HELLS: variants seen among roughly 807,000 people sequenced by gnomAD.
HELLS encodes lymphoid-specific helicase.
In HELLS, 32 loss-of-function variants were observed where a neutral mutation model predicts 120.0. The observed-to-expected ratio is 0.27, with a 90% confidence interval of 0.20 to 0.36. The LOEUF (loss-of-function observed/expected upper bound fraction) is 0.36. Ranked by LOEUF, HELLS falls within the 10% of genes least tolerant of loss-of-function variation. HELLS has a pLI of 1.00. For missense variants in HELLS, 650 were observed against 993.4 expected (o/e 0.65, Z 4.65); for synonymous variants, 341 against 323.4 (o/e 1.05, Z -0.58).
At chr10:94,588,050 A>G (rs1169822619) in intron 12 of HELLS, among the ~76,000 whole-genome samples, 179 bp from the exon 13 acceptor site, 5 of 152,180 alleles carry the variant, frequency 3.3e-5, no homozygotes, top group African/African-American at 7.2e-5. Context: ...GCTGCGGACA[A>G]CTGTGAGTTT....
intron 7 of HELLS, among the ~76,000 whole-genome samples, chr10:94,573,409 G>C (rs1266395552): frequency 6.6e-6 from 1 of 152,022 alleles, no homozygotes; most frequent in Non-Finnish European, 1.5e-5. Context: ...CTTTTCAAAA[G>C]TATGTGCCTG....
At chr10:94,612,213 A>G (rs1846200369) in exon 10 of HELLS, 2 of 152,198 alleles carry the variant, frequency 1.3e-5, no homozygotes, top group Admixed American at 1.3e-4. Flanking sequence ...GTGAGGATTA[A>G]GTGATACATG....
At chr10:94,605,298 G>A (rs1564623875), downstream of HELLS, among the ~76,000 whole-genome samples, 1 of 152,034 alleles carries the variant, frequency 6.6e-6, no homozygotes, top group Non-Finnish European at 1.5e-5. Context: ...GGCCACGCTG[G>A]TCTCGAACTC....
In HELLS at chr10:94,601,598, T is replaced by G. The variant is rs1191729423; in HGVS notation, c.2493T>G (p.Asp831Glu). The G allele has an allele frequency of 1.9e-6, 3 of 1,575,026 alleles. No individual in the cohort carries two copies. In the African/African-American group the frequency reaches 4.1e-5, roughly 21 times the overall value. The change falls in exon 22 of 22, where the codon GAT becomes GAG. Residue 831 changes from aspartate to glutamate, a missense_variant. By Grantham distance (45) the Asp-to-Glu change is conservative. This residue lies in a region of HELLS where 90 missense variants were observed against 109.2 expected (regional missense o/e 0.82). Transcript: ENST00000348459. ...GIFKILENSE[D>E]SSPECLF is the part of the protein sequence containing the mutation. ...TCAAGATATTAGAAAATTCTGAAGA[T>G]TCCAGTCCTGAATGTTTGTTTTAAA...
In HELLS at chr10:94,581,387, G is replaced by A. The variant is rs1039050797; in HGVS notation, c.1094G>A (p.Arg365His). ...EGHRIKNMKC[R>H]LIRELKRFNA... ...CACAGGATTAAGAATATGAAGTGCC[G>A]TCTAATCAGGGAGTTAAAACGATTC... The change falls in exon 11 of 22, where the codon CGT becomes CAT. Residue 365 changes from arginine to histidine, a missense_variant. Around this residue, in one of 9 missense-constraint regions of HELLS, gnomAD observed 48 missense variants for 127.0 expected, o/e 0.38. Coordinates refer to ENST00000348459, the MANE Select transcript of HELLS (RefSeq NM_018063.5). The A allele has an allele frequency of 1.2e-5, 19 of 1,611,084 alleles. No homozygotes were observed. Among genetic ancestry groups the A allele is most frequent in the East Asian group, 4.5e-5 (2 of 44,762 alleles).
At chr10:94,597,011 A>T in intron 20 of HELLS, 24 bp from the exon 21 acceptor site, 1 of 1,493,008 alleles carries the variant, frequency 6.7e-7, no homozygotes, top group Non-Finnish European at 9.3e-7. Context: ...ATTCACATAG[A>T]CTTGAATATT....
chr10:94,554,656 G>GTTTTTTTTTTTT (rs1156596461), intron 3 of HELLS, among the ~76,000 whole-genome samples: 1 of 115,494 alleles, frequency 8.7e-6, no homozygotes. Flanking sequence ...TTTTTTTTTT[G>GTTTTTTTTTTTT]TTTTTTTTTT....
intron 13 of HELLS, among the ~76,000 whole-genome samples, chr10:94,589,073 G>A (rs113947924): frequency 9.5e-4 from 144 of 152,248 alleles, no homozygotes; most frequent in African/African-American, 3.3e-3. Flanking sequence ...ACTTGAACCC[G>A]GGAGACGGAG....
downstream of HELLS, among the ~76,000 whole-genome samples, chr10:94,605,081 C>CG (rs1292771088): frequency 7.6e-6 from 1 of 131,952 alleles, no homozygotes; most frequent in African/African-American, 2.9e-5. Flanking sequence ...CTCCCCCCCC[C>CG]CCCCTTTTTT....
intron 18 of HELLS, among the ~76,000 whole-genome samples, chr10:94,594,005 T>A (rs1342770328): frequency 3.3e-5 from 5 of 150,676 alleles, no homozygotes; most frequent in African/African-American, 1.2e-4. Context: ...GAAGGAGTTT[T>A]GCTCTTGTTG....
chr10:94,554,023 G>T, intron 2 of HELLS, 103 bp from the exon 3 acceptor site: 8 of 1,043,576 alleles, frequency 7.7e-6, no homozygotes, highest in Non-Finnish European at 9.6e-6. Flanking sequence ...AAAGTGTTTG[G>T]TTTAAAAAAT....
intron 6 of HELLS, among the ~76,000 whole-genome samples, chr10:94,567,885 G>C (rs2134034436): frequency 6.6e-6 from 1 of 151,148 alleles, no homozygotes; most frequent in South Asian, 2.1e-4. Flanking sequence ...CTGCAGCATG[G>C]GCAAGAGAAT....
chr10:94,612,762 C>T (rs1293293542), exon 10 of HELLS: 1 of 152,100 alleles, frequency 6.6e-6, no homozygotes, highest in Non-Finnish European at 1.5e-5. Context: ...CCCGTCTCCA[C>T]TAAAACAAAA....
At chr10:94,568,117 C>T (rs1381233978) in intron 6 of HELLS, among the ~76,000 whole-genome samples, 1 of 151,676 alleles carries the variant, frequency 6.6e-6, no homozygotes, top group Non-Finnish European at 1.5e-5. Flanking sequence ...ACCATTTTGG[C>T]CTGGATGGTC....
At chr10:94,583,933 T>C in intron 12 of HELLS, 1 of 471,154 alleles carries the variant, frequency 2.1e-6, no homozygotes. Flanking sequence ...ATAAACAAGG[T>C]TGTAGTATCT....
intron 2 of HELLS, among the ~76,000 whole-genome samples, chr10:94,547,608 A>C (rs1197396128): frequency 6.6e-6 from 1 of 152,200 alleles, no homozygotes; most frequent in African/African-American, 2.4e-5. Context: ...ACTATTCTGT[A>C]AAGTAGATGT....
At chr10:94,568,363 G>T (rs1220711224) in intron 6 of HELLS, among the ~76,000 whole-genome samples, 1 of 152,012 alleles carries the variant, frequency 6.6e-6, no homozygotes, top group Non-Finnish European at 1.5e-5. Flanking sequence ...TCCGAATCTT[G>T]CTCTTTTGTT....
chr10:94,599,838 A>T (rs928548940), intron 21 of HELLS, among the ~76,000 whole-genome samples: 1 of 152,258 alleles, frequency 6.6e-6, no homozygotes, highest in Non-Finnish European at 1.5e-5. Context: ...TAACATGTTT[A>T]TATAAGGACA....
intron 11 of HELLS, 127 bp from the exon 12 acceptor site, chr10:94,582,836 C>A (rs1844941743): frequency 1.9e-6 from 1 of 526,988 alleles, no homozygotes; most frequent in South Asian, 3.1e-5. Context: ...TTAAAAATTG[C>A]ACCTAAGGAT....
Sources: allele counts gnomAD v4.1 joint callset (sites outside exome capture counted in the v4.1 genomes callset), GRCh38; gene constraint gnomAD v4.1.1; regional missense constraint gnomAD v4.1.1; transcripts MANE v1.5; gene names NCBI Gene and HGNC (gene_info 2026-07-23, HGNC 2026-07-21).